ADGRL3: variants seen among roughly 807,000 people sequenced by gnomAD.
The protein encoded by ADGRL3 is adhesion G protein-coupled receptor L3.
A neutral mutation model predicts 153.5 loss-of-function variants in ADGRL3; 62 were observed. That is an observed-to-expected ratio of 0.40 (90% CI 0.33 to 0.50). ADGRL3 has a LOEUF of 0.50. ADGRL3 is among the 20% of genes least tolerant of loss of function. The probability of loss-of-function intolerance (pLI) is 0.47; values close to 1 mark genes in which losing one functional copy is unlikely to be tolerated. For missense variants in ADGRL3, 1,641 were observed against 1,859.4 expected, an observed-to-expected ratio of 0.88 and a Z score of 2.16; for synonymous variants, 710 against 672.5, an observed-to-expected ratio of 1.06 and a Z score of -0.86.
intron 5 of ADGRL3, among the ~76,000 whole-genome samples, chr4:61,627,104 A>T (rs767252688): frequency 2.0e-5 from 3 of 152,108 alleles, no homozygotes; most frequent in South Asian, 4.1e-4. Context: ...CCTCTGATTA[A>T]TATTTTTATT....
At chr4:61,785,329 C>T (rs908542873) in intron 8 of ADGRL3, among the ~76,000 whole-genome samples, 1 of 152,088 alleles carries the variant, frequency 6.6e-6, no homozygotes, top group Admixed American at 6.6e-5. Context: ...CTGCAGTGCT[C>T]CAAATCTTGT....
chr4:61,228,443 T>C (rs1443505755), intron 1 of ADGRL3, among the ~76,000 whole-genome samples: 4 of 152,160 alleles, frequency 2.6e-5, no homozygotes, highest in African/African-American at 4.8e-5. Context: ...TAATTTGATG[T>C]TTAGATCTGT....
chr4:61,810,113 G>A (rs868690041), intron 8 of ADGRL3, among the ~76,000 whole-genome samples: 11 of 152,174 alleles, frequency 7.2e-5, no homozygotes, highest in Non-Finnish European at 1.6e-4. Flanking sequence ...TAAACCTAGC[G>A]TTATGGGGAA....
At chr4:61,429,124 C>T (rs2097324541) in intron 2 of ADGRL3, among the ~76,000 whole-genome samples, 1 of 152,076 alleles carries the variant, frequency 6.6e-6, no homozygotes, top group Non-Finnish European at 1.5e-5. Flanking sequence ...CCAATGTTTG[C>T]TTACAGTTTT....
intron 21 of ADGRL3, among the ~76,000 whole-genome samples, chr4:62,016,749 A>G (rs563576110): frequency 3.3e-5 from 5 of 152,230 alleles, no homozygotes; most frequent in Non-Finnish European, 7.4e-5. Context: ...TTTAATTAGA[A>G]TTACATTAAA....
At chr4:61,597,566 A>G (rs1293806939) in intron 5 of ADGRL3, among the ~76,000 whole-genome samples, 2 of 151,974 alleles carry the variant, frequency 1.3e-5, no homozygotes, top group Admixed American at 6.6e-5. Context: ...TTCTTTACCA[A>G]TACAAACATT....
intron 15 of ADGRL3, among the ~76,000 whole-genome samples, chr4:61,937,914 G>GTGTTT (rs776322615): frequency 3.3e-5 from 5 of 152,112 alleles, no homozygotes; most frequent in African/African-American, 4.8e-5. Flanking sequence ...GTTTTTCTGT[G>GTGTTT]TGTTTTGTTT....
chr4:61,358,944 G>A (rs946138636), intron 1 of ADGRL3, among the ~76,000 whole-genome samples: 4 of 151,968 alleles, frequency 2.6e-5, no homozygotes, highest in Non-Finnish European at 1.5e-5. Context: ...TTTTTGATAG[G>A]CCCATCCAAC....
chr4:61,327,167 A>G (rs1328708389), intron 1 of ADGRL3, among the ~76,000 whole-genome samples: 3 of 152,006 alleles, frequency 2.0e-5, no homozygotes, highest in Admixed American at 2.0e-4. Context: ...ACTAAGGTGC[A>G]AAGTGAGAGC....
chr4:61,790,568 T>C (rs1384694618), intron 8 of ADGRL3, among the ~76,000 whole-genome samples: 3 of 152,204 alleles, frequency 2.0e-5, no homozygotes, highest in Non-Finnish European at 4.4e-5. Flanking sequence ...TAATGTGGTC[T>C]CTCTCACTCT....
At chr4:61,714,912 G>A (rs548636589) in intron 6 of ADGRL3, among the ~76,000 whole-genome samples, 1 of 152,206 alleles carries the variant, frequency 6.6e-6, no homozygotes. Flanking sequence ...ATCCCAAACT[G>A]GAATGCTATG....
intron 5 of ADGRL3, among the ~76,000 whole-genome samples, chr4:61,597,809 CA>C (rs2098995383): frequency 6.6e-6 from 1 of 151,940 alleles, no homozygotes; most frequent in South Asian, 2.1e-4. Context: ...ACTACTTAGA[CA>C]CTCATTTTTA....
chr4:61,889,102 C>A (rs2149562065), intron 9 of ADGRL3, among the ~76,000 whole-genome samples: 1 of 152,264 alleles, frequency 6.6e-6, no homozygotes, highest in South Asian at 2.1e-4. Flanking sequence ...GTTCACCTAC[C>A]TTTACTGAGA....
intron 1 of ADGRL3, among the ~76,000 whole-genome samples, chr4:61,310,732 G>GTT (rs34156856): frequency 0.017 from 2,530 of 145,812 alleles, 75 homozygotes; most frequent in African/African-American, 0.054. Flanking sequence ...TGTAAGATCA[G>GTT]TTTTTTTTTT....
chr4:61,636,453 C>T lies in ADGRL3; in HGVS notation c.474-40373C>T, dbSNP rs140389916. Reference sequence around the variant, plus strand: ...TGGAAGCCAGGAGATAATGGAATAACATATTTGAAGTTCTGAAAGAAAAAA... The same window carrying T: ...TGGAAGCCAGGAGATAATGGAATAATATATTTGAAGTTCTGAAAGAAAAAA... On this transcript the variant is annotated intron_variant, in intron 5 of 26. Coordinates refer to ENST00000683033, the MANE Select transcript of ADGRL3 (RefSeq NM_001387552.1). Among the ~76,000 whole-genome samples, 44 of 152,188 alleles carry T rather than the reference C, an allele frequency of 2.9e-4. No individual in the cohort carries two copies. The East Asian group carries it at 8.5e-3, about 29-fold the overall frequency.
chr4:61,328,285 G>C (rs946404710), intron 1 of ADGRL3, among the ~76,000 whole-genome samples: 7 of 152,150 alleles, frequency 4.6e-5, no homozygotes, highest in African/African-American at 1.7e-4. Flanking sequence ...GGGTAGCATA[G>C]AAAGCTTTTA....
chr4:61,824,121 C>G (rs1263311668), intron 9 of ADGRL3, among the ~76,000 whole-genome samples: 1 of 152,050 alleles, frequency 6.6e-6, no homozygotes, highest in Non-Finnish European at 1.5e-5. Flanking sequence ...ATCTGACTAT[C>G]CATAGTATAG....
At chr4:61,690,050 T>A (rs576585108) in intron 6 of ADGRL3, among the ~76,000 whole-genome samples, 3 of 152,186 alleles carry the variant, frequency 2.0e-5, no homozygotes, top group Non-Finnish European at 4.4e-5. Flanking sequence ...CCTTCAAATA[T>A]GCATTCAAAT....
chr4:61,385,927 C>G lies in ADGRL3; in HGVS notation c.-174+2738C>G, dbSNP rs1181676117. Among the ~76,000 whole-genome samples, 3 of 152,018 alleles carry G rather than the reference C, an allele frequency of 2.0e-5. No homozygotes were observed. The East Asian group carries it at 5.8e-4, about 29-fold the overall frequency. ...TGTGTGTGTATGTGTATGTATCTAT[C>G]TCTTTCTTTCACTTACTGCTCCACA... On this transcript the variant is annotated intron_variant, in intron 2 of 26. Transcript: ENST00000683033.
Sources: gnomAD v4.1 joint callset for allele counts (sites outside exome capture counted in the v4.1 genomes callset) on GRCh38, gnomAD v4.1.1 for gene constraint, MANE v1.5 for transcripts, NCBI Gene and HGNC (gene_info 2026-07-23, HGNC 2026-07-21) for gene names.